The following POLR2F variants were observed in gnomAD, a reference collection of about 807,000 sequenced individuals.
The protein encoded by POLR2F is RNA polymerase II, I and III subunit F.
Under a neutral mutation model 22.7 loss-of-function variants are expected in POLR2F, and 12 were observed. The ratio of observed to expected loss-of-function variants is 0.53; its 90% CI spans 0.34 to 0.86. The LOEUF (loss-of-function observed/expected upper bound fraction) is 0.86. POLR2F is among the 40% of genes least tolerant of loss of function. The pLI, the probability that POLR2F is intolerant of heterozygous loss-of-function variation, is 0.02. For synonymous variants in POLR2F, 57 were observed against 66.0 expected (o/e 0.86, Z 0.66); for missense variants, 126 against 171.5 (o/e 0.73, Z 1.48).
At position 38,016,077 on chromosome 22, in the gene POLR2F, T is replaced by A. The variant is rs1276038921; in HGVS notation, c.121-9792T>A. ...AGGCCCACTGCCCTAGGCTCCTACA[T>A]ACTCATCCTCTATGTTCCCTTCACA... On this transcript the variant is annotated intron_variant, in intron 1 of 2. Coordinates refer to the POLR2F transcript ENST00000333418. The surrounding 1 kb of genome is among the most constrained non-coding windows in gnomAD (Gnocchi z 4.4). Among the ~76,000 whole-genome samples the A allele has an allele frequency of 6.6e-6, 1 of 152,190 alleles. No individual in the cohort carries two copies. The highest frequency in any genetic ancestry group is 1.5e-5 in the Non-Finnish European group (1 of 68,022).
intron 5 of POLR2F, among the ~76,000 whole-genome samples, chr22:38,039,534 G>A (rs1026577197): frequency 1.3e-5 from 2 of 152,134 alleles, no homozygotes; most frequent in Admixed American, 6.5e-5. Context: ...TGTGAGAGCC[G>A]GTGCCCGGGG....
At chr22:38,026,459 A>C in exon 3 of POLR2F, 1 of 391,166 alleles carries the variant, frequency 2.6e-6, no homozygotes, top group Non-Finnish European at 5.3e-6. Flanking sequence ...GGTCTTCATG[A>C]TCCCAGGGCC....
chr22:38,038,897 G>A (rs1207669575), intron 5 of POLR2F, among the ~76,000 whole-genome samples: 1 of 151,976 alleles, frequency 6.6e-6, no homozygotes, highest in Non-Finnish European at 1.5e-5. Context: ...GCGGCCCTCA[G>A]GGCGGCCTGG....
chr22:38,038,851 C>A (rs1051782816), intron 5 of POLR2F, among the ~76,000 whole-genome samples: 1 of 151,790 alleles, frequency 6.6e-6, no homozygotes. Flanking sequence ...CGCCCTCCCT[C>A]TCCCAGCGCC....
rs542276568 is a variant in POLR2F at position 37,978,006 on chromosome 22, G to A, written c.293+10836G>A. 26 of 1,611,502 alleles carry A rather than the reference G, an allele frequency of 1.6e-5. No homozygotes were observed. The highest frequency in any genetic ancestry group is 1.6e-4 in the East Asian group (7 of 44,856). On this transcript the variant is annotated intron_variant, in intron 4 of 4. Transcript: ENST00000405557. This position sits in a 1 kb window ranked among gnomAD's most constrained non-coding sequence, Gnocchi z 5.0. ...CCTCCCCACCGGGGCACTCCGCCTC[G>A]CCCTGGGCGGCCTTCCCGTTCTTCC...
chr22:38,026,786 C>A (rs2085014563), downstream of POLR2F: 1 of 157,682 alleles, frequency 6.3e-6, no homozygotes, highest in Admixed American at 6.2e-5. Context: ...GGCGACCCTC[C>A]TCCCTCCCCC....
In POLR2F at chr22:38,016,333, G is replaced by A. The variant is rs2084915016; in HGVS notation, c.121-9536G>A. 6.6e-6 allele frequency among the ~76,000 whole-genome samples: 1 copy of A among 152,224 alleles called. No homozygotes were observed. The highest frequency in any genetic ancestry group is 1.5e-5 in the Non-Finnish European group (1 of 68,038). ...ACAAAGCCCCGGCCCAAAGGCATTT[G>A]GGAGCCTGCTCCTCCCTCTGTACCT... On this transcript the variant is annotated intron_variant, in intron 1 of 2. Transcript: ENST00000333418. The surrounding 1 kb of genome is among the most constrained non-coding windows in gnomAD (Gnocchi z 4.4).
rs114456974 is a variant in POLR2F at position 37,990,897 on chromosome 22, C to T, written c.120+4585C>T. Among the ~76,000 whole-genome samples the T allele has an allele frequency of 3.0e-3, 457 of 152,344 alleles. 3 individuals are homozygous for T. The highest frequency in any genetic ancestry group is 0.01 in the African/African-American group (425 of 41,574). On this transcript the variant is annotated intron_variant, in intron 1 of 2. Transcript: ENST00000333418. ...ATCCAGTGTTTGCAAGGTGATGCCT[C>T]GTGATGCCTCAGACCCTTGGTGTTC...
chr22:38,036,524 G>C (rs888194257), intron 5 of POLR2F, among the ~76,000 whole-genome samples: 3 of 149,318 alleles, frequency 2.0e-5, no homozygotes, highest in African/African-American at 7.5e-5. Flanking sequence ...CCCATTCTTA[G>C]CACATACTAG....
chr22:37,976,250 A>G (rs760221271), intron 4 of POLR2F, among the ~76,000 whole-genome samples: 1 of 152,072 alleles, frequency 6.6e-6, no homozygotes, highest in Non-Finnish European at 1.5e-5. Flanking sequence ...AAAAAAAGAC[A>G]GAGTCTTACT....
downstream of POLR2F, among the ~76,000 whole-genome samples, chr22:37,970,259 A>G (rs963042827): frequency 4.8e-5 from 7 of 146,546 alleles, no homozygotes; most frequent in Non-Finnish European, 5.9e-5. Context: ...CCGCTACTGC[A>G]CTCCAGCCTG....
chr22:38,003,263 G>A (rs935524147), intron 1 of POLR2F, among the ~76,000 whole-genome samples: 17 of 150,846 alleles, frequency 1.1e-4, no homozygotes, highest in Admixed American at 9.2e-4. Flanking sequence ...GTCTTGCTCT[G>A]TTGCCCAGGC....
chr22:37,984,147 C>G (rs532866590), upstream of POLR2F: 8 of 174,110 alleles, frequency 4.6e-5, no homozygotes, highest in East Asian at 1.6e-4. This position sits in a 1 kb window ranked among gnomAD's most constrained non-coding sequence, Gnocchi z 4.4. Context: ...AAAAACGGAG[C>G]CTTTATTTTG....
chr22:37,999,755 C>T (rs367907985), intron 1 of POLR2F, among the ~76,000 whole-genome samples: 14 of 152,264 alleles, frequency 9.2e-5, no homozygotes, highest in African/African-American at 3.1e-4. Context: ...CTCTGAGCCC[C>T]GGGGTTTCCT....
At chr22:37,977,934 G>A (rs768405563) in intron 4 of POLR2F, 1 of 1,612,862 alleles carries the variant, frequency 6.2e-7, no homozygotes, top group Non-Finnish European at 8.5e-7. Flanking sequence ...GGTCCAAGTG[G>A]GCGCTCTTGT....
chr22:37,985,977 C>G (rs1013318052), upstream of POLR2F: 8 of 1,040,050 alleles, frequency 7.7e-6, no homozygotes, highest in Non-Finnish European at 9.3e-6. Flanking sequence ...CAATCTCCCC[C>G]CAGTTTTCCT....
At chr22:38,026,797 C>G (rs910561442), downstream of POLR2F, 5 of 157,294 alleles carry the variant, frequency 3.2e-5, no homozygotes, top group South Asian at 3.8e-4. Flanking sequence ...TCCCTCCCCC[C>G]ATCCCTGCGA....
chr22:38,003,660 T>A (rs1054307114), intron 1 of POLR2F, among the ~76,000 whole-genome samples: 2 of 151,764 alleles, frequency 1.3e-5, no homozygotes, highest in Admixed American at 6.6e-5. Flanking sequence ...TACTGCAACC[T>A]TTGCATCTCA....
chr22:37,974,499 C>T lies in POLR2F; in HGVS notation c.293+7329C>T, dbSNP rs866296402. On this transcript the variant is annotated intron_variant, in intron 4 of 4. Transcript: ENST00000405557. The surrounding 1 kb of genome is among the most constrained non-coding windows in gnomAD (Gnocchi z 5.4). ...TCCTGAGTAGCTGGAATTACAAGCGCCCACCACAATGCCCAGCTAATTTGT... is the reference window on the plus strand; with the variant it reads ...TCCTGAGTAGCTGGAATTACAAGCGTCCACCACAATGCCCAGCTAATTTGT... 2.6e-5 allele frequency among the ~76,000 whole-genome samples: 4 copies of T among 152,042 alleles called. No individual in the cohort carries two copies. Among genetic ancestry groups the T allele is most frequent in the Middle Eastern group, 3.4e-3 (1 of 294 alleles).
Sources: gnomAD v4.1 joint callset for allele counts (sites outside exome capture counted in the v4.1 genomes callset) on GRCh38, gnomAD v4.1.1 for gene constraint, Gnocchi (gnomAD v3.1) non-coding constraint, MANE v1.5 for transcripts, NCBI Gene and HGNC (gene_info 2026-07-23, HGNC 2026-07-21) for gene names.